Variants in PDE4B observed in about 807,000 individuals in gnomAD.
The protein encoded by PDE4B is 3',5'-cyclic-AMP phosphodiesterase 4B.
A neutral mutation model predicts 82.2 loss-of-function variants in PDE4B; 20 were observed. That is an observed-to-expected ratio of 0.24 (90% CI 0.17 to 0.35). PDE4B has a LOEUF of 0.35. Among genes scored for constraint, PDE4B ranks in the 10% least tolerant of loss-of-function variants. PDE4B has a pLI of 1.00. For synonymous variants in PDE4B, 320 were observed against 318.9 expected, an observed-to-expected ratio of 1.00 and a Z score of -0.04; for missense variants, 655 against 907.2, an observed-to-expected ratio of 0.72 and a Z score of 3.57.
At chr1:66,131,722 G>A (rs955611636) in intron 3 of PDE4B, among the ~76,000 whole-genome samples, 5 of 146,610 alleles carry the variant, frequency 3.4e-5, no homozygotes, top group Non-Finnish European at 6.0e-5. Context: ...TATTTATTGC[G>A]AACCTACTAT....
At chr1:66,272,483 C>T (rs976184781) in intron 7 of PDE4B, among the ~76,000 whole-genome samples, 3 of 152,116 alleles carry the variant, frequency 2.0e-5, no homozygotes, top group Non-Finnish European at 2.9e-5. Context: ...CTCTGGTAAC[C>T]CCTTTTGGTT....
intron 13 of PDE4B, among the ~76,000 whole-genome samples, chr1:66,366,210 T>C (rs1277202370): frequency 6.6e-6 from 1 of 152,016 alleles, no homozygotes; most frequent in Admixed American, 6.6e-5. Context: ...AAAAATAAGA[T>C]GCCATAAAAA....
At chr1:66,047,503 A>G (rs907612609) in intron 3 of PDE4B, among the ~76,000 whole-genome samples, 4 of 151,838 alleles carry the variant, frequency 2.6e-5, no homozygotes, top group African/African-American at 9.7e-5. Flanking sequence ...TAGCTACTAT[A>G]CCAGGTATGC....
At chr1:65,890,317 A>G (rs1646839587) in intron 1 of PDE4B, among the ~76,000 whole-genome samples, 1 of 152,084 alleles carries the variant, frequency 6.6e-6, no homozygotes, top group African/African-American at 2.4e-5. Context: ...GTGGCTGAGC[A>G]CATCAGGTTT....
At chr1:65,863,747 A>G (rs1026062802) in intron 1 of PDE4B, among the ~76,000 whole-genome samples, 2 of 152,194 alleles carry the variant, frequency 1.3e-5, no homozygotes, top group Admixed American at 1.3e-4. Context: ...TGATCCCTTT[A>G]CCATTACGTA....
intron 6 of PDE4B, among the ~76,000 whole-genome samples, chr1:66,265,030 C>G (rs1321172): frequency 0.39 from 59,548 of 152,148 alleles, 13,740 homozygotes; most frequent in Non-Finnish European, 0.52. Flanking sequence ...TTGCAAATGT[C>G]CTGTTACTCC....
chr1:65,945,730 T>C (rs1162084883), intron 3 of PDE4B, among the ~76,000 whole-genome samples: 2 of 151,950 alleles, frequency 1.3e-5, no homozygotes, highest in Non-Finnish European at 2.9e-5. Context: ...GGTGGTCAAG[T>C]ATAGAGATTT....
At chr1:65,831,961 G>A (rs933893390) in intron 1 of PDE4B, among the ~76,000 whole-genome samples, 2 of 152,134 alleles carry the variant, frequency 1.3e-5, no homozygotes, top group Non-Finnish European at 2.9e-5. Flanking sequence ...ACAATGACAG[G>A]AAGAAGAACT....
intron 9 of PDE4B, among the ~76,000 whole-genome samples, chr1:66,357,969 G>C (rs537670557): frequency 6.6e-6 from 1 of 152,070 alleles, no homozygotes; most frequent in Non-Finnish European, 1.5e-5. Flanking sequence ...ACAAATAAAC[G>C]AAGTTTGTTT....
intron 3 of PDE4B, among the ~76,000 whole-genome samples, chr1:66,186,681 T>C (rs1647226608): frequency 6.6e-6 from 1 of 152,210 alleles, no homozygotes; most frequent in African/African-American, 2.4e-5. Context: ...GCTCATCGAT[T>C]TTGTATCCTC....
intron 7 of PDE4B, among the ~76,000 whole-genome samples, chr1:66,269,283 T>C (rs982614108): frequency 3.9e-5 from 6 of 152,192 alleles, no homozygotes; most frequent in African/African-American, 1.4e-4. Flanking sequence ...TTTAGCACTT[T>C]GAATAAGAAA....
intron 1 of PDE4B, among the ~76,000 whole-genome samples, chr1:65,836,140 C>A (rs1166330349): frequency 1.3e-5 from 2 of 151,908 alleles, no homozygotes; most frequent in Non-Finnish European, 1.5e-5. Flanking sequence ...TGGGATTTTA[C>A]CATGTTGGCC....
chr1:66,122,703 C>CTTTTTTTTTTTTTTTT (rs3036785), intron 3 of PDE4B, among the ~76,000 whole-genome samples: 2 of 111,958 alleles, frequency 1.8e-5, no homozygotes, highest in African/African-American at 3.4e-5. Flanking sequence ...CTCTTCTTTT[C>CTTTTTTTTTTTTTTTT]TTTTTTTTTT....
intron 1 of PDE4B, among the ~76,000 whole-genome samples, chr1:65,854,837 A>C (rs1410583738): frequency 6.6e-6 from 1 of 151,088 alleles, no homozygotes; most frequent in African/African-American, 2.4e-5. Context: ...TCCTAGTTAG[A>C]CCTCTTAGTT....
At chr1:66,007,151 T>A (rs1652195591) in intron 3 of PDE4B, among the ~76,000 whole-genome samples, 1 of 151,568 alleles carries the variant, frequency 6.6e-6, no homozygotes, top group Non-Finnish European at 1.5e-5. Context: ...TATATAAAAG[T>A]ATAAAATACA....
chr1:66,001,447 T>C (rs1651857712), intron 3 of PDE4B, among the ~76,000 whole-genome samples: 1 of 152,204 alleles, frequency 6.6e-6, no homozygotes, highest in Admixed American at 6.5e-5. Context: ...AAGCTTGCTG[T>C]TATTACAATT....
rs146511049 is a variant in PDE4B at position 65,904,299 on chromosome 1, A to T, written c.-70-8946A>T. On this transcript the variant is annotated intron_variant, in intron 1 of 16. Coordinates refer to ENST00000341517, the MANE Select transcript of PDE4B (RefSeq NM_002600.4). ...TGTCATGAGTCTTCTGTATTAACTT[A>T]AAAAAAATTTAGTATTGGATCAAAG... 7.0e-3 allele frequency among the ~76,000 whole-genome samples: 1,059 copies of T among 152,152 alleles called. 13 individuals carry two copies. The highest frequency in any genetic ancestry group is 0.023 in the African/African-American group (967 of 41,492).
At chr1:66,340,999 C>T (rs1410235065) in intron 8 of PDE4B, among the ~76,000 whole-genome samples, 1 of 152,122 alleles carries the variant, frequency 6.6e-6, no homozygotes, top group East Asian at 1.9e-4. Context: ...AAGATCTAAA[C>T]ATTTTCTTTC....
chr1:65,876,000 T>C (rs1189198063), intron 1 of PDE4B, among the ~76,000 whole-genome samples: 1 of 152,150 alleles, frequency 6.6e-6, no homozygotes, highest in Non-Finnish European at 1.5e-5. Flanking sequence ...CTTCATATTG[T>C]ACTCTCATCT....
Sources: gnomAD v4.1 joint callset for allele counts (sites outside exome capture counted in the v4.1 genomes callset) on GRCh38, gnomAD v4.1.1 for gene constraint, MANE v1.5 for transcripts, NCBI Gene and HGNC (gene_info 2026-07-23, HGNC 2026-07-21) for gene names.